Variants in KCNB2 observed in about 807,000 individuals in gnomAD.
The protein encoded by KCNB2 is potassium voltage-gated channel subfamily B member 2, also known as delayed rectifier potassium channel protein.
Under a neutral mutation model 61.5 loss-of-function variants are expected in KCNB2, and 15 were observed. That is an observed-to-expected ratio of 0.24 (90% CI 0.16 to 0.38). The LOEUF (loss-of-function observed/expected upper bound fraction) is 0.38. KCNB2 is among the 10% of genes least tolerant of loss of function. The pLI is 1.00. For missense variants in KCNB2, 828 were observed against 1,125.2 expected, an observed-to-expected ratio of 0.74 and a Z score of 3.78; for synonymous variants, 457 against 446.0, an observed-to-expected ratio of 1.02 and a Z score of -0.31.
chr8:72,581,758 T>A (rs1806901597), intron 2 of KCNB2, among the ~76,000 whole-genome samples: 2 of 152,220 alleles, frequency 1.3e-5, no homozygotes, highest in Non-Finnish European at 2.9e-5. Flanking sequence ...AATAGCAGTG[T>A]AGGCTGCTCT....
chr8:72,827,734 T>C (rs539064335), intron 2 of KCNB2, among the ~76,000 whole-genome samples: 1 of 151,984 alleles, frequency 6.6e-6, no homozygotes, highest in Non-Finnish European at 1.5e-5. Context: ...ATTGCAATCA[T>C]ATAGAAAAAG....
intron 2 of KCNB2, among the ~76,000 whole-genome samples, chr8:72,691,788 A>G (rs17831704): frequency 0.23 from 34,978 of 152,062 alleles, 5,175 homozygotes; most frequent in Non-Finnish European, 0.34. Context: ...TAATTTCAAT[A>G]TTTCCATGTG....
chr8:72,885,875 T>G (rs930140074), intron 2 of KCNB2, among the ~76,000 whole-genome samples: 2 of 152,166 alleles, frequency 1.3e-5, no homozygotes, highest in African/African-American at 4.8e-5. Flanking sequence ...AAAGACTGTC[T>G]CCTGGTATTT....
chr8:72,558,690 G>A (rs1199173572), intron 1 of KCNB2, among the ~76,000 whole-genome samples: 2 of 152,174 alleles, frequency 1.3e-5, no homozygotes, highest in African/African-American at 4.8e-5. Flanking sequence ...TGATGAATAA[G>A]ATCAGATGTG....
chr8:72,824,467 C>A (rs1185859054), intron 2 of KCNB2, among the ~76,000 whole-genome samples: 1 of 152,078 alleles, frequency 6.6e-6, no homozygotes, highest in Non-Finnish European at 1.5e-5. Flanking sequence ...CCAGGCATCT[C>A]GAGGTGTGCC....
intron 2 of KCNB2, among the ~76,000 whole-genome samples, chr8:72,649,547 T>C (rs1333859385): frequency 6.6e-6 from 1 of 152,158 alleles, no homozygotes. Context: ...TCATGCAATA[T>C]ACTCATGTTA....
At chr8:72,739,527 A>G (rs1177441458) in intron 2 of KCNB2, among the ~76,000 whole-genome samples, 3 of 151,998 alleles carry the variant, frequency 2.0e-5, no homozygotes, top group South Asian at 2.1e-4. Context: ...TTAAAGAAAC[A>G]TGTAGGAATT....
chr8:72,554,986 T>C (rs1415340352), intron 1 of KCNB2, among the ~76,000 whole-genome samples: 1 of 152,030 alleles, frequency 6.6e-6, no homozygotes, highest in Non-Finnish European at 1.5e-5. Flanking sequence ...TGCTCAATAT[T>C]GATCCCATAT....
intron 2 of KCNB2, among the ~76,000 whole-genome samples, chr8:72,718,451 T>C (rs1417550424): frequency 3.9e-5 from 6 of 152,282 alleles, no homozygotes; most frequent in African/African-American, 1.2e-4. Context: ...TAAGAAAATG[T>C]GGCACATATA....
At chr8:72,682,487 A>C (rs1333566504) in intron 2 of KCNB2, among the ~76,000 whole-genome samples, 2 of 152,054 alleles carry the variant, frequency 1.3e-5, no homozygotes, top group African/African-American at 4.8e-5. Context: ...CAGGAAGTAA[A>C]AAATCCCATA....
At chr8:72,691,958 C>T (rs1806946183) in intron 2 of KCNB2, among the ~76,000 whole-genome samples, 1 of 151,914 alleles carries the variant, frequency 6.6e-6, no homozygotes, top group Non-Finnish European at 1.5e-5. Context: ...GGAAGCTGGC[C>T]GGGTGCGGTG....
At chr8:72,774,412 G>A (rs181256562) in intron 2 of KCNB2, among the ~76,000 whole-genome samples, 2 of 152,112 alleles carry the variant, frequency 1.3e-5, no homozygotes, top group Non-Finnish European at 2.9e-5. Context: ...GTGCAGTGGC[G>A]CAATCTCGGC....
intron 2 of KCNB2, among the ~76,000 whole-genome samples, chr8:72,737,720 G>A (rs1807873404): frequency 6.6e-6 from 1 of 152,158 alleles, no homozygotes; most frequent in Non-Finnish European, 1.5e-5. Context: ...GGCAACAGTT[G>A]AGGAGGACTG....
intron 2 of KCNB2, among the ~76,000 whole-genome samples, chr8:72,656,497 C>T (rs1268976564): frequency 6.6e-6 from 1 of 152,116 alleles, no homozygotes; most frequent in Non-Finnish European, 1.5e-5. Context: ...AATGCAAAAG[C>T]AAAGGCTTTC....
At chr8:72,924,080 C>A (rs189256009) in intron 2 of KCNB2, among the ~76,000 whole-genome samples, 23 of 152,304 alleles carry the variant, frequency 1.5e-4, no homozygotes, top group Non-Finnish European at 2.8e-4. Context: ...AGGGTCAAGT[C>A]ATCCGACTCA....
At chr8:72,714,834 C>A (rs200578218) in intron 2 of KCNB2, among the ~76,000 whole-genome samples, 1,959 of 152,046 alleles carry the variant, frequency 0.013, 18 homozygotes, top group Non-Finnish European at 0.02. Context: ...TGTAAATGGG[C>A]TAAATGCTCC....
chr8:72,914,359 A>G (rs973848226), intron 2 of KCNB2, among the ~76,000 whole-genome samples: 95 of 152,330 alleles, frequency 6.2e-4, no homozygotes, highest in African/African-American at 2.3e-3. Context: ...AAATAAAACT[A>G]CATAGGGAGA....
At chr8:72,734,770 A>T (rs191318673) in intron 2 of KCNB2, among the ~76,000 whole-genome samples, 2 of 152,208 alleles carry the variant, frequency 1.3e-5, no homozygotes, top group Admixed American at 6.5e-5. Context: ...TGCATGGTGC[A>T]TGGAGCACCT....
chr8:72,916,320 C>T (rs902301910), intron 2 of KCNB2, among the ~76,000 whole-genome samples: 1 of 152,180 alleles, frequency 6.6e-6, no homozygotes, highest in Non-Finnish European at 1.5e-5. Context: ...CTGGAGTGCA[C>T]AGATGCTGGA....
Sources: allele counts gnomAD v4.1 joint callset (sites outside exome capture counted in the v4.1 genomes callset), GRCh38; gene constraint gnomAD v4.1.1; transcripts MANE v1.5; gene names NCBI Gene and HGNC (gene_info 2026-07-23, HGNC 2026-07-21).